CREM: variants seen among roughly 807,000 people sequenced by gnomAD.
CREM encodes the protein cAMP responsive element modulator, also known as cAMP-responsive element modulator.
CREM carries 13 observed loss-of-function variants against 37.3 expected under a neutral mutation model. The ratio of observed to expected loss-of-function variants is 0.35; its 90% CI spans 0.23 to 0.55. CREM has a LOEUF of 0.55. Ranked by LOEUF, CREM falls within the 20% of genes least tolerant of loss-of-function variation. The pLI, the probability that CREM is intolerant of heterozygous loss-of-function variation, is 0.88. For synonymous variants in CREM, 124 were observed against 120.2 expected, an observed-to-expected ratio of 1.03 and a Z score of -0.21; for missense variants, 296 against 362.3, an observed-to-expected ratio of 0.82 and a Z score of 1.49.
intron 2 of CREM, among the ~76,000 whole-genome samples, chr10:35,145,632 A>T (rs1207524163): frequency 6.6e-6 from 1 of 152,062 alleles, no homozygotes; most frequent in Non-Finnish European, 1.5e-5. Flanking sequence ...AATACAAAAT[A>T]GCTGGGCATG....
At chr10:35,166,280 A>G (rs1480788712) in intron 3 of CREM, among the ~76,000 whole-genome samples, 5 of 152,066 alleles carry the variant, frequency 3.3e-5, no homozygotes, top group Admixed American at 2.0e-4. Context: ...AAAAACAGCT[A>G]GGCCAGACAC....
At chr10:35,202,803 C>T (rs1271240392) in intron 6 of CREM, among the ~76,000 whole-genome samples, 2 of 152,144 alleles carry the variant, frequency 1.3e-5, no homozygotes, top group Non-Finnish European at 2.9e-5. Flanking sequence ...TAATAAAACC[C>T]AGTCACCTAA....
chr10:35,176,017 A>G (rs1471800969), intron 3 of CREM: 3 of 1,541,870 alleles, frequency 1.9e-6, no homozygotes, highest in African/African-American at 2.8e-5. Context: ...TCCTTCCTGA[A>G]TGGTTTTGTC....
intron 6 of CREM, chr10:35,196,193 T>A: frequency 1.6e-6 from 2 of 1,268,884 alleles, no homozygotes; most frequent in South Asian, 1.3e-5. Context: ...TTACTCTTAC[T>A]CCATCCTCTT....
chr10:35,166,847 A>G (rs1182561249), intron 3 of CREM, among the ~76,000 whole-genome samples: 4 of 152,144 alleles, frequency 2.6e-5, no homozygotes, highest in Non-Finnish European at 5.9e-5. Context: ...TATGACTTTT[A>G]AAAATTAAAG....
At chr10:35,145,776 CAAAAAAAAA>C (rs370248344) in intron 2 of CREM, among the ~76,000 whole-genome samples, 4 of 85,232 alleles carry the variant, frequency 4.7e-5, no homozygotes, top group African/African-American at 1.5e-4. Flanking sequence ...GACTCTGCCT[CAAAAAAAAA>C]AAAAAAAAAA....
At chr10:35,201,416 A>C in intron 6 of CREM, 1 of 1,550,658 alleles carries the variant, frequency 6.4e-7, no homozygotes, top group Non-Finnish European at 8.7e-7. Context: ...GTTTATTGTG[A>C]GTATTAAATG....
intron 1 of CREM, among the ~76,000 whole-genome samples, chr10:35,135,768 CAA>C (rs1449880729): frequency 1.8e-5 from 2 of 108,716 alleles, no homozygotes; most frequent in Non-Finnish European, 4.0e-5. Context: ...AAAAATGAGA[CAA>C]AGAAGATAGA....
chr10:35,168,529 T>G (rs972694802), intron 3 of CREM, among the ~76,000 whole-genome samples: 39 of 152,184 alleles, frequency 2.6e-4, no homozygotes, highest in Non-Finnish European at 4.3e-4. Context: ...TTGCAAAAAT[T>G]TTTTCCCATT....
At chr10:35,137,256 C>G (rs1184545681) in intron 1 of CREM, among the ~76,000 whole-genome samples, 1 of 152,138 alleles carries the variant, frequency 6.6e-6, no homozygotes, top group Non-Finnish European at 1.5e-5. Flanking sequence ...TGAAGGCTAT[C>G]AGAAGGACGT....
intron 3 of CREM, among the ~76,000 whole-genome samples, chr10:35,149,698 A>G (rs2092432537): frequency 6.6e-6 from 1 of 152,026 alleles, no homozygotes; most frequent in Admixed American, 6.6e-5. Context: ...CTTGGGTTAT[A>G]TTAGGCCAGA....
At chr10:35,188,032 A>T (rs1159092803) in intron 5 of CREM, among the ~76,000 whole-genome samples, 168 bp from the exon 6 acceptor site, 1 of 152,236 alleles carries the variant, frequency 6.6e-6, no homozygotes, top group Non-Finnish European at 1.5e-5. Context: ...TTCCTAGAGT[A>T]TCGTCCCATG....
In CREM at chr10:35,211,626, T is replaced by C. The variant is rs754377217; in HGVS notation, c.*228T>C. The C allele has an allele frequency of 1.9e-6, 3 of 1,603,562 alleles. No homozygotes were observed. The highest frequency in any genetic ancestry group is 1.7e-5 in the Admixed American group (1 of 57,630). The stretch of plus-strand genomic sequence containing the variant: ...TGTCAATAGCATGCAAAAAATGCTT[T>C]GTTTGCCCTTTGCTTCTGCTTTTTT... On this transcript the variant is annotated 3_prime_UTR_variant, in exon 8 of 8. Transcript: ENST00000685392.
intron 6 of CREM, among the ~76,000 whole-genome samples, chr10:35,202,766 T>C (rs1315805515): frequency 6.6e-6 from 1 of 152,184 alleles, no homozygotes; most frequent in East Asian, 1.9e-4. Context: ...GGAAGTAAAA[T>C]GAATATATGA....
chr10:35,144,524 A>G (rs1021209464), intron 2 of CREM, among the ~76,000 whole-genome samples: 1 of 152,188 alleles, frequency 6.6e-6, no homozygotes, highest in Admixed American at 6.5e-5. Flanking sequence ...CATAGTATTC[A>G]TAGTATTGGA....
intron 6 of CREM, chr10:35,195,957 A>G: frequency 8.2e-7 from 1 of 1,217,312 alleles, no homozygotes; most frequent in South Asian, 1.3e-5. Flanking sequence ...CTCTGCCTCC[A>G]AGCTGCCTTT....
chr10:35,149,730 C>T (rs1388409969), intron 3 of CREM, among the ~76,000 whole-genome samples: 1 of 152,076 alleles, frequency 6.6e-6, no homozygotes, highest in Admixed American at 6.6e-5. Flanking sequence ...GCTCTCCTTT[C>T]CTGTGCACCC....
intron 3 of CREM, among the ~76,000 whole-genome samples, chr10:35,162,506 ACAT>A (rs916610009): frequency 3.4e-4 from 52 of 152,200 alleles, no homozygotes; most frequent in African/African-American, 1.2e-3. Context: ...ATACTCCAAA[ACAT>A]CATGTTGTAC....
chr10:35,166,816 G>T (rs1448625502), intron 3 of CREM, among the ~76,000 whole-genome samples: 1 of 152,066 alleles, frequency 6.6e-6, no homozygotes, highest in African/African-American at 2.4e-5. Flanking sequence ...TTTTGTGTTT[G>T]TCTTACTCAG....
Sources: allele counts gnomAD v4.1 joint callset (sites outside exome capture counted in the v4.1 genomes callset), GRCh38; gene constraint gnomAD v4.1.1; transcripts MANE v1.5; gene names NCBI Gene and HGNC (gene_info 2026-07-23, HGNC 2026-07-21).